Variants in PSMG4 observed in about 807,000 individuals in gnomAD.
PSMG4 encodes the protein proteasome (prosome, macropain) assembly chaperone 4.
PSMG4 carries 10 observed loss-of-function variants against 11.0 expected under a neutral mutation model. That is an observed-to-expected ratio of 0.91 (90% CI 0.56 to 1.54). The LOEUF is 1.54. Among genes scored for constraint, PSMG4 ranks in the 40% most tolerant of loss-of-function variants. PSMG4 has a pLI of 0.00. For missense variants in PSMG4, 198 were observed against 160.9 expected (o/e 1.23, Z -1.25); for synonymous variants, 95 against 71.3 (o/e 1.33, Z -1.68).
chr6:3,259,181 C>CA lies in PSMG4; in HGVS notation c.160dup (p.Met54AsnfsTer43). On this transcript the variant is annotated frameshift_variant, in exon 1 of 3. Coordinates refer to ENST00000438998, the MANE Select transcript of PSMG4 (RefSeq NM_001128591.2). LOFTEE classifies it high-confidence loss of function. Reference sequence around the variant, plus strand: ...CGCACCTGCGCAACCTCGCCGTGGCCATGTGCAGCCGCTACGTGAGTGCCT... The same window carrying CA: ...CGCACCTGCGCAACCTCGCCGTGGCCAATGTGCAGCCGCTACGTGAGTGCCT... 1 of 1,309,606 alleles carries CA rather than the reference C, an allele frequency of 7.6e-7. No homozygotes were observed. The highest frequency in any genetic ancestry group is 9.7e-7 in the Non-Finnish European group (1 of 1,030,624). The allele number at this position is 1,309,606 out of a possible 1,614,324, so 81.1% of individuals were successfully genotyped here. A position where few individuals can be genotyped will look rare whatever the true frequency, so the allele number is the denominator to read the frequency against.
At chr6:3,263,995 C>T in intron 2 of PSMG4, 6 of 1,320,408 alleles carry the variant, frequency 4.5e-6, no homozygotes, top group Non-Finnish European at 6.1e-6. Context: ...CCCACCTCGT[C>T]CTTGGGTGTG....
At chr6:3,256,893 T>G (rs1243393654), upstream of PSMG4, among the ~76,000 whole-genome samples, 1 of 152,174 alleles carries the variant, frequency 6.6e-6, no homozygotes, top group African/African-American at 2.4e-5. Context: ...GGGACAAGTT[T>G]TTTTTGAAGT....
chr6:3,258,976 G>C lies in PSMG4; in HGVS notation c.-47G>C. ...CATCGGGTCTGGCGGGGCTGGCAGCGGCGAGGACCCGGGTCTGGCGCTGTG... is the reference window on the plus strand; with the variant it reads ...CATCGGGTCTGGCGGGGCTGGCAGCCGCGAGGACCCGGGTCTGGCGCTGTG... On this transcript the variant is annotated 5_prime_UTR_variant, in exon 1 of 3. Coordinates refer to ENST00000438998, the MANE Select transcript of PSMG4 (RefSeq NM_001128591.2). 1 of 1,235,822 alleles carries C rather than the reference G, an allele frequency of 8.1e-7. No individual in the cohort carries two copies. The highest frequency in any genetic ancestry group is 1.0e-6 in the Non-Finnish European group (1 of 988,790). 76.6% of individuals were successfully genotyped at this position (1,235,822 alleles called of 1,614,324 possible).
intron 2 of PSMG4, chr6:3,266,720 T>G (rs1341908574): frequency 1.1e-5 from 1 of 93,436 alleles, no homozygotes; most frequent in Non-Finnish European, 2.2e-5. Context: ...TGTGTCCATA[T>G]GCCTATCTGT....
upstream of PSMG4, among the ~76,000 whole-genome samples, chr6:3,255,496 T>G (rs1335283885): frequency 6.6e-6 from 1 of 152,118 alleles, no homozygotes; most frequent in East Asian, 1.9e-4. Flanking sequence ...GTACCTAAAC[T>G]GCCTGGCCAG....
intron 2 of PSMG4, chr6:3,264,458 T>C: frequency 7.1e-7 from 1 of 1,417,334 alleles, no homozygotes; most frequent in Non-Finnish European, 9.3e-7. Flanking sequence ...CTTCTCTGTG[T>C]CTCAGGCACA....
At chr6:3,255,546 C>T (rs913063353), upstream of PSMG4, among the ~76,000 whole-genome samples, 6 of 152,204 alleles carry the variant, frequency 3.9e-5, no homozygotes, top group East Asian at 1.9e-4. Flanking sequence ...AGACTCCAAC[C>T]TTGGGCTGCT....
chr6:3,257,343 A>T (rs868687231), upstream of PSMG4, among the ~76,000 whole-genome samples: 7 of 152,228 alleles, frequency 4.6e-5, no homozygotes, highest in African/African-American at 2.4e-5. Context: ...AAAGCTGGAG[A>T]GAGAGAGGAG....
chr6:3,254,669 G>A (rs1433044638), upstream of PSMG4, among the ~76,000 whole-genome samples: 2 of 152,120 alleles, frequency 1.3e-5, no homozygotes, highest in East Asian at 1.9e-4. Context: ...CCTTCAAGCT[G>A]CGAAACCACT....
chr6:3,262,661 CA>C (rs933101826), intron 1 of PSMG4, among the ~76,000 whole-genome samples: 2 of 152,124 alleles, frequency 1.3e-5, no homozygotes, highest in African/African-American at 2.4e-5. Context: ...GCAGGGGAAC[CA>C]AACCCCAAAG....
At chr6:3,264,118 C>G (rs45595134) in intron 2 of PSMG4, 678 of 1,521,384 alleles carry the variant, frequency 4.5e-4, no homozygotes, top group Non-Finnish European at 5.4e-4. Flanking sequence ...AAGGTAGCCT[C>G]CCGGGCCTTA....
At chr6:3,260,496 C>T (rs2127258536) in intron 1 of PSMG4, among the ~76,000 whole-genome samples, 1 of 151,878 alleles carries the variant, frequency 6.6e-6, no homozygotes, top group East Asian at 1.9e-4. Flanking sequence ...ATTATGTTGG[C>T]CAGGCTGATC....
At chr6:3,265,630 G>A (rs988411573) in intron 2 of PSMG4, 2 of 131,706 alleles carry the variant, frequency 1.5e-5, no homozygotes, top group Non-Finnish European at 3.3e-5. Context: ...GCCTTGGTGA[G>A]CCCCAGCTTC....
At chr6:3,265,896 G>A (rs1758163097) in intron 2 of PSMG4, 1 of 149,398 alleles carries the variant, frequency 6.7e-6, no homozygotes, top group African/African-American at 2.5e-5. Flanking sequence ...TAACCGAACA[G>A]CTGCCTTTGT....
intron 1 of PSMG4, among the ~76,000 whole-genome samples, chr6:3,260,289 A>ATTTTTTTTTTTTT (rs1264357024): frequency 3.5e-4 from 11 of 31,080 alleles, no homozygotes; most frequent in Non-Finnish European, 6.7e-4. Context: ...ATATATATAT[A>ATTTTTTTTTTTTT]TATTTTTTTT....
chr6:3,262,450 C>T (rs868238814), intron 1 of PSMG4, among the ~76,000 whole-genome samples: 2 of 152,136 alleles, frequency 1.3e-5, no homozygotes, highest in East Asian at 1.9e-4. Context: ...ATTTTTGTAT[C>T]GTTTTTAGTG....
At position 3,264,055 on chromosome 6, in the gene PSMG4, C is replaced by T. The variant is rs1437102681; in HGVS notation, c.250+296C>T. ...GTTGCCTTCCGTAAGTGCATCACCA[C>T]CTCCTGGGAGGAGAGCATGAGAAGT... On this transcript the variant is annotated intron_variant, in intron 2 of 2. Coordinates refer to ENST00000438998, the MANE Select transcript of PSMG4 (RefSeq NM_001128591.2). 7 of 1,431,338 alleles carry T rather than the reference C, an allele frequency of 4.9e-6. No homozygotes were observed. In the Admixed American group the frequency reaches 7.9e-5, roughly 16 times the overall value. 88.7% of individuals were successfully genotyped at this position (1,431,338 alleles called of 1,614,324 possible). A position where few individuals can be genotyped will look rare whatever the true frequency, so the allele number is the denominator to read the frequency against.
upstream of PSMG4, among the ~76,000 whole-genome samples, chr6:3,254,440 A>G (rs547829478): frequency 1.9e-4 from 19 of 100,192 alleles, no homozygotes; most frequent in South Asian, 6.7e-4. Context: ...TTGTGCTGTA[A>G]TAGTTTTCTG....
Position 3,263,762 on chromosome 6 carries a change from A to G in PSMG4, c.250+3A>G, listed in dbSNP as rs1581555333. 1 of 1,551,138 alleles carries G rather than the reference A, an allele frequency of 6.4e-7. No homozygotes were observed. Among genetic ancestry groups the G allele is most frequent in the Non-Finnish European group, 8.7e-7 (1 of 1,146,642 alleles). On this transcript the variant is annotated splice_donor_region_variant and intron_variant, in intron 2 of 2. Transcript: ENST00000438998. ...TACTGGCCTTGCCCAGCGCCTAGGT[A>G]TGTACCCACAGCTGGCGCTGCATGG...
Sources: gnomAD v4.1 joint callset for allele counts (sites outside exome capture counted in the v4.1 genomes callset) on GRCh38, gnomAD v4.1.1 for gene constraint, MANE v1.5 for transcripts, NCBI Gene and HGNC (gene_info 2026-07-23, HGNC 2026-07-21) for gene names.